The following SLC18A1 variants were observed in gnomAD, a reference collection of about 807,000 sequenced individuals.
The protein encoded by SLC18A1 is solute carrier family 18 member A1.
A neutral mutation model predicts 53.7 loss-of-function variants in SLC18A1; 69 were observed. The ratio of observed to expected loss-of-function variants is 1.28; its 90% CI spans 1.06 to 1.57. SLC18A1 has a LOEUF of 1.57. Among genes scored for constraint, SLC18A1 ranks in the 40% most tolerant of loss-of-function variants. The pLI, the probability that SLC18A1 is intolerant of heterozygous loss-of-function variation, is 0.00. For synonymous variants in SLC18A1, 320 were observed against 248.1 expected (o/e 1.29, Z -2.72); for missense variants, 932 against 668.1 (o/e 1.40, Z -4.35).
chr8:20,167,100 C>A (rs2071987192), intron 8 of SLC18A1, among the ~76,000 whole-genome samples: 2 of 150,554 alleles, frequency 1.3e-5, no homozygotes, highest in African/African-American at 4.9e-5. Context: ...AGATAATTAG[C>A]CAGAATGGAG....
chr8:20,164,961 G>A lies in SLC18A1; in HGVS notation c.923C>T (p.Ser308Phe), dbSNP rs781589769. The change falls in exon 10 of 16, where the codon TCC becomes TTC. Residue 308 changes from serine to phenylalanine, a missense_variant. Physicochemically the swap from Ser to Phe is radical, Grantham distance 155. Coordinates refer to ENST00000276373, the MANE Select transcript of SLC18A1 (RefSeq NM_003053.4). ...KDPYILVAAG[S>F]ICFANMGVAI... is the part of the protein sequence containing the mutation. ...CACCCCCATGTTGGCAAAGCAGATG[G>A]ACCCTGGGGAGACTGTTCTGTGAGC... is the stretch of plus-strand genomic sequence containing the variant. 8.1e-5 allele frequency: 131 copies of A among 1,613,802 alleles called. 1 individual carries two copies. In the Middle Eastern group the frequency reaches 8.2e-4, roughly 10 times the overall value.
intron 10 of SLC18A1, among the ~76,000 whole-genome samples, chr8:20,161,027 G>A (rs568179913): frequency 6.6e-6 from 1 of 152,140 alleles, no homozygotes; most frequent in Non-Finnish European, 1.5e-5. Context: ...TTGCATTGGG[G>A]ATTAAGTTTC....
chr8:20,155,153 C>T (rs6993213), intron 10 of SLC18A1, among the ~76,000 whole-genome samples: 120,010 of 152,142 alleles, frequency 0.79, 48,216 homozygotes, highest in African/African-American at 0.95. Flanking sequence ...ACAAAAGGCT[C>T]GCTGCCATCT....
intron 12 of SLC18A1, among the ~76,000 whole-genome samples, chr8:20,149,128 C>T (rs970563383): frequency 7.9e-5 from 12 of 152,128 alleles, no homozygotes; most frequent in African/African-American, 2.4e-4. Context: ...TTCTCATCCC[C>T]ACTGGGGAGA....
At chr8:20,178,393 G>C in intron 4 of SLC18A1, 42 bp downstream of exon 4, 1 of 1,504,116 alleles carries the variant, frequency 6.6e-7, no homozygotes, top group Non-Finnish European at 9.2e-7. Context: ...TAAAATCAAA[G>C]GTAATCAGTG....
rs1000770717 is a variant in SLC18A1 at position 20,153,993 on chromosome 8, C to A, written c.1016-3249G>T. Among the ~76,000 whole-genome samples, 3 of 152,218 alleles carry A rather than the reference C, an allele frequency of 2.0e-5. No individual in the cohort carries two copies. The South Asian group carries it at 6.2e-4, about 32-fold the overall frequency. On this transcript the variant is annotated intron_variant, in intron 10 of 15. Coordinates refer to ENST00000276373, the MANE Select transcript of SLC18A1 (RefSeq NM_003053.4). ...TCCCTCGTGAATGGCGTGGTGCTGT[C>A]CCCATCCTCACGGTAATGAGTGACT...
intron 10 of SLC18A1, among the ~76,000 whole-genome samples, chr8:20,151,233 T>C (rs1217806073): frequency 1.3e-5 from 2 of 151,482 alleles, no homozygotes; most frequent in Non-Finnish European, 2.9e-5. Flanking sequence ...AAATCCTGCC[T>C]GCCTTGGCCT....
At chr8:20,163,646 C>T (rs928568824) in intron 10 of SLC18A1, among the ~76,000 whole-genome samples, 4 of 152,180 alleles carry the variant, frequency 2.6e-5, no homozygotes, top group Admixed American at 2.6e-4. Context: ...ATTAGCATCA[C>T]CTGCAGACTT....
At chr8:20,162,114 C>T (rs1254453070) in intron 10 of SLC18A1, among the ~76,000 whole-genome samples, 1 of 152,192 alleles carries the variant, frequency 6.6e-6, no homozygotes, top group Non-Finnish European at 1.5e-5. Context: ...CCATGGCTGG[C>T]ACAGTTGAGG....
In SLC18A1 at chr8:20,166,920, G is replaced by A. The variant is rs140890162; in HGVS notation, c.859-1813C>T. Among the ~76,000 whole-genome samples, 349 of 152,234 alleles carry A rather than the reference G, an allele frequency of 2.3e-3. 3 individuals are homozygous for A. Among genetic ancestry groups the A allele is most frequent in the African/African-American group, 8.1e-3 (337 of 41,542 alleles). On this transcript the variant is annotated intron_variant, in intron 8 of 15. Coordinates refer to ENST00000276373, the MANE Select transcript of SLC18A1 (RefSeq NM_003053.4). ...CACTGAGTAAAGGCCATGTGAGGAC[G>A]CACTGAGAAGGTGGCTGTCTGCAAG...
intron 10 of SLC18A1, among the ~76,000 whole-genome samples, chr8:20,153,436 G>C (rs2071608577): frequency 6.6e-6 from 1 of 152,202 alleles, no homozygotes; most frequent in South Asian, 2.1e-4. Context: ...CCAGCACTTT[G>C]GGAGGCAGAG....
intron 2 of SLC18A1, among the ~76,000 whole-genome samples, chr8:20,179,869 G>A (rs1023899663): frequency 6.6e-6 from 1 of 152,086 alleles, no homozygotes; most frequent in Non-Finnish European, 1.5e-5. Context: ...GAGCTACCAC[G>A]ACATTTCACA....
chr8:20,176,014 C>A (rs865967227), intron 4 of SLC18A1: 1 of 152,158 alleles, frequency 6.6e-6, no homozygotes, highest in Admixed American at 6.6e-5. Context: ...CAAAATACCC[C>A]ACAAAAACAG....
chr8:20,148,309 G>T (rs1459200918), intron 12 of SLC18A1: 2 of 597,702 alleles, frequency 3.3e-6, no homozygotes, highest in East Asian at 3.7e-5. Context: ...CAGATCTAAT[G>T]AGTGGCAAGA....
intron 4 of SLC18A1, among the ~76,000 whole-genome samples, chr8:20,176,863 CAG>C (rs1326264389): frequency 3.3e-5 from 5 of 152,228 alleles, no homozygotes; most frequent in African/African-American, 9.6e-5. Context: ...GAATTCTTGG[CAG>C]AGAATCAGGC....
In SLC18A1 at chr8:20,174,400, T is replaced by C; in HGVS notation, c.592A>G (p.Thr198Ala). The change falls in exon 5 of 16, where the codon ACC becomes GCC. Residue 198 changes from threonine (T) to alanine (A), a missense_variant. Thr to Ala is a moderately conservative substitution (Grantham distance 58, BLOSUM62 0). Transcript: ENST00000276373. ...AATGAAGATCCAATGCCTTGAAGGGTTCGGGCCACAAAGAGTAGAGTATAG... is the reference window on the plus strand; with the variant it reads ...AATGAAGATCCAATGCCTTGAAGGGCTCGGGCCACAAAGAGTAGAGTATAG... ...GTYTLLFVAR[T>A]LQGIGSSFSS... is the part of the protein sequence containing the mutation. 1 of 1,614,044 alleles carries C rather than the reference T, an allele frequency of 6.2e-7. No individual in the cohort carries two copies. The highest frequency in any genetic ancestry group is 8.5e-7 in the Non-Finnish European group (1 of 1,179,960).
intron 12 of SLC18A1, chr8:20,148,329 G>C: frequency 1.5e-6 from 1 of 654,288 alleles, no homozygotes; most frequent in Non-Finnish European, 2.4e-6. Context: ...ATCAAGTTTG[G>C]ACCTCAGACT....
intron 13 of SLC18A1, 50 bp downstream of exon 13, chr8:20,147,957 C>A (rs2071444935): frequency 1.9e-6 from 3 of 1,593,344 alleles, no homozygotes; most frequent in Admixed American, 1.7e-5. Flanking sequence ...GGCATCAGAC[C>A]CAAAGCCAAC....
intron 8 of SLC18A1, among the ~76,000 whole-genome samples, chr8:20,165,752 C>T (rs1054691229): frequency 2.6e-5 from 4 of 152,168 alleles, no homozygotes; most frequent in African/African-American, 4.8e-5. Flanking sequence ...CTAAACTACA[C>T]GTTCTGAGCT....
Sources: gnomAD v4.1 joint callset for allele counts (sites outside exome capture counted in the v4.1 genomes callset) on GRCh38, gnomAD v4.1.1 for gene constraint, MANE v1.5 for transcripts, NCBI Gene and HGNC (gene_info 2026-07-23, HGNC 2026-07-21) for gene names.